The following AHNAK2 variants were observed in gnomAD, a reference collection of about 807,000 sequenced individuals.
The protein encoded by AHNAK2 is protein AHNAK2.
AHNAK2 carries 18 observed loss-of-function variants against 30.7 expected under a neutral mutation model. The ratio of observed to expected loss-of-function variants is 0.59; its 90% CI spans 0.41 to 0.87. AHNAK2 has a LOEUF of 0.87. AHNAK2 is among the 40% of genes least tolerant of loss of function. AHNAK2 has a pLI of 0.00. For synonymous variants in AHNAK2, 3,590 were observed against 3,073.8 expected (o/e 1.17, Z -5.56); for missense variants, 8,604 against 7,373.0 (o/e 1.17, Z -6.11).
chr14:104,948,668 G>C lies in AHNAK2; in HGVS notation c.6783C>G (p.Pro2261=), dbSNP rs1898455130. 1.2e-6 allele frequency: 2 copies of C among 1,611,646 alleles called. No individual in the cohort carries two copies. The highest frequency in any genetic ancestry group is 1.7e-5 in the Admixed American group (1 of 59,816). Reference sequence around the variant, plus strand: ...CCTTGGGGTCTTTTAGGTCCAGCTTGGGGCCCTTGATGTCTATTTCGGGGC... The same window carrying C: ...CCTTGGGGTCTTTTAGGTCCAGCTTCGGGCCCTTGATGTCTATTTCGGGGC... ...LKGPEIDIKG[P]KLDLKDPKVE... The change falls in exon 7 of 7, where the codon CCC becomes CCG. Residue 2261 remains proline (P), a synonymous_variant. Coordinates refer to ENST00000333244, the MANE Select transcript of AHNAK2 (RefSeq NM_138420.4).
In AHNAK2 at chr14:104,944,548, C is replaced by G. The variant is rs1224254026; in HGVS notation, c.10903G>C (p.Asp3635His). The G allele has an allele frequency of 6.2e-7, 1 of 1,613,310 alleles. No homozygotes were observed. The highest frequency in any genetic ancestry group is 2.2e-5 in the East Asian group (1 of 44,804). The change falls in exon 7 of 7, where the codon GAC (aspartate) becomes CAC (histidine). Residue 3635 changes from aspartate (D) to histidine (H), a missense_variant. Physicochemically the swap from Asp to His is moderately conservative, Grantham distance 81. Coordinates refer to ENST00000333244, the MANE Select transcript of AHNAK2 (RefSeq NM_138420.4). Reference protein sequence around the residue: ...SLADKDVTAKDSKFKMPKFKM... With the variant: ...SLADKDVTAKHSKFKMPKFKM... ...AATTTGGGCATTTTGAACTTGCTGT[C>G]TTTGGCAGTCACGTCCTTGTCAGCC... is the stretch of plus-strand genomic sequence containing the variant.
chr14:104,953,798 C>A lies in AHNAK2; in HGVS notation c.1653G>T (p.Gly551=). 6.2e-7 allele frequency: 1 copy of A among 1,613,978 alleles called. No homozygotes were observed. The highest frequency in any genetic ancestry group is 2.2e-5 in the East Asian group (1 of 44,876). Reference sequence around the variant, plus strand: ...GTCCTTCCTCTCCATCTCCTTCATCCCCCTGTGCTTCTGCATGTGTGGTTG... The same window carrying A: ...GTCCTTCCTCTCCATCTCCTTCATCACCCTGTGCTTCTGCATGTGTGGTTG... ...REPTTHAEAQ[G]DEGDGEEGLQ... The change falls in exon 7 of 7, where the codon GGG becomes GGT. Residue 551 remains glycine, a synonymous_variant. Coordinates refer to ENST00000333244, the MANE Select transcript of AHNAK2 (RefSeq NM_138420.4).
chr14:104,969,698 T>C (rs1899418631), intron 1 of AHNAK2, among the ~76,000 whole-genome samples: 1 of 152,162 alleles, frequency 6.6e-6, no homozygotes, highest in Non-Finnish European at 1.5e-5. Context: ...TGGGCCCAGT[T>C]CATCTCCTTC....
chr14:104,968,690 C>T lies in AHNAK2; in HGVS notation c.55+9493G>A, dbSNP rs568908303. ...TTGCAAGTCCCCAGGGCCCTGGGGG[C>T]TGGCAGGGAGGAGACTGGCTCTCCA... On this transcript the variant is annotated intron_variant, in intron 1 of 6. Coordinates refer to ENST00000333244, the MANE Select transcript of AHNAK2 (RefSeq NM_138420.4). 2.6e-5 allele frequency among the ~76,000 whole-genome samples: 4 copies of T among 152,328 alleles called. No individual in the cohort carries two copies. The East Asian group carries it at 7.7e-4, about 29-fold the overall frequency.
intron 1 of AHNAK2, among the ~76,000 whole-genome samples, chr14:104,973,954 G>C (rs1595435307): frequency 6.6e-6 from 1 of 152,158 alleles, no homozygotes; most frequent in South Asian, 2.1e-4. Flanking sequence ...GGGGATGGGG[G>C]AGTACCGCCT....
chr14:104,945,127 CCACCTCCACGCTGGGCAGAGA>C lies in AHNAK2; in HGVS notation c.10303_10323del (p.Ser3435_Val3441del), dbSNP rs1898190961. 6.2e-7 allele frequency: 1 copy of C among 1,613,136 alleles called. No individual in the cohort carries two copies. Among genetic ancestry groups the C allele is most frequent in the South Asian group, 1.1e-5 (1 of 91,064 alleles). ...AGCTTGGCTCTCGGGGCCTGGACGT[CCACCTCCACGCTGGGCAGAGA>C]CACCTCCACATCAGGGACTGTCACT... On this transcript the variant is annotated inframe_deletion, in exon 7 of 7. Coordinates refer to ENST00000333244, the MANE Select transcript of AHNAK2 (RefSeq NM_138420.4).
rs2819423 is a variant in AHNAK2, at chr14:104,943,745, C to T, written c.11706G>A (p.Lys3902=). The part of the protein sequence containing the change: ...PSFKMPKVDL[K]GPEIDIKGPK... Reference sequence around the variant, plus strand: ...GGCCCTTGATGTCTATTTCAGGGCCCTTGAGGTCGACTTTGGGCATCTTGA... The same window carrying T: ...GGCCCTTGATGTCTATTTCAGGGCCTTTGAGGTCGACTTTGGGCATCTTGA... The change falls in exon 7 of 7, where the codon AAG becomes AAA. Residue 3902 remains lysine, a synonymous_variant. Transcript: ENST00000333244. 6 of 1,612,730 alleles carry T rather than the reference C, an allele frequency of 3.7e-6. No homozygotes were observed. The highest frequency in any genetic ancestry group is 4.2e-6 in the Non-Finnish European group (5 of 1,179,444).
chr14:104,978,311 G>T lies in AHNAK2; in HGVS notation c.-74C>A. 1.1e-6 allele frequency: 1 copy of T among 911,070 alleles called. No homozygotes were observed. Among genetic ancestry groups the T allele is most frequent in the Non-Finnish European group, 1.4e-6 (1 of 736,748 alleles). The allele number at this position is 911,070 out of a possible 1,614,324, so 56.4% of individuals were successfully genotyped here. A position where few individuals can be genotyped will look rare whatever the true frequency, so the allele number is the denominator to read the frequency against. ...TGGTCCCGGCTCCGGCGCACGGGGC[G>T]GGCGGGCGGGAGCCGCGCTCTGCCC... On this transcript the variant is annotated 5_prime_UTR_variant, in exon 1 of 7. Transcript: ENST00000333244.
At position 104,940,577 on chromosome 14, in the gene AHNAK2, A is replaced by C. The variant is rs772057984; in HGVS notation, c.14874T>G (p.Ile4958Met). ...GKGSPLKMPK[I>M]KLPSFRWSPK... ...GGGACCACCTAAATGATGGAAGCTT[A>C]ATCTTAGGCATTTTCAAGGGACTCC... Residue 4958 changes from isoleucine to methionine, a missense_variant, in exon 7 of 7, where the codon ATT becomes ATG. Transcript: ENST00000333244. This position sits in a 1 kb window ranked among gnomAD's most constrained non-coding sequence, Gnocchi z 4.4. The C allele has an allele frequency of 6.2e-7, 1 of 1,613,664 alleles. No individual in the cohort carries two copies. The highest frequency in any genetic ancestry group is 2.2e-5 in the East Asian group (1 of 44,888).
Position 104,952,733 on chromosome 14 carries a change from C to T in AHNAK2, c.2718G>A (p.Val906=), listed in dbSNP as rs748740503. 3 of 1,612,966 alleles carry T rather than the reference C, an allele frequency of 1.9e-6. No individual in the cohort carries two copies. Among genetic ancestry groups the T allele is most frequent in the Non-Finnish European group, 2.5e-6 (3 of 1,179,644 alleles). Residue 906 remains valine, a synonymous_variant, in exon 7 of 7, where the codon GTG becomes GTA. Transcript: ENST00000333244. ...QVDVKLPEGP[V]PEGAGPKVHL... Reference sequence around the variant, plus strand: ...GCACTTTGGGGCCGGCTCCCTCGGGCACAGGGCCCTCCGGAAGTTTCACAT... The same window carrying T: ...GCACTTTGGGGCCGGCTCCCTCGGGTACAGGGCCCTCCGGAAGTTTCACAT...
At position 104,945,654 on chromosome 14, in the gene AHNAK2, T is replaced by A. The variant is rs781120141; in HGVS notation, c.9797A>T (p.Asp3266Val). The A allele has an allele frequency of 5.7e-6, 9 of 1,578,140 alleles. 1 individual carries two copies. In the African/African-American group the frequency reaches 9.6e-5, roughly 17 times the overall value. ...CATGCTGGGCTGAGACACCTCCACG[T>A]CGGGGGCCGTCACATCCATCTTCGG... is the stretch of plus-strand genomic sequence containing the variant. ...KGPKMDVTAP[D>V]VEVSQPSMEV... The change falls in exon 7 of 7, where the codon GAC becomes GTC. Residue 3266 changes from aspartate to valine, a missense_variant. Coordinates refer to ENST00000333244, the MANE Select transcript of AHNAK2 (RefSeq NM_138420.4).
At chr14:104,965,401 CAAAAA>C (rs397853385) in intron 1 of AHNAK2, among the ~76,000 whole-genome samples, 5 of 85,518 alleles carry the variant, frequency 5.8e-5, no homozygotes, top group African/African-American at 1.4e-4. Flanking sequence ...AACTCTGTCT[CAAAAA>C]AAAAAAAAAA....
intron 1 of AHNAK2, among the ~76,000 whole-genome samples, chr14:104,975,051 T>C (rs1216164635): frequency 6.6e-6 from 1 of 152,218 alleles, no homozygotes; most frequent in Non-Finnish European, 1.5e-5. Flanking sequence ...CCCAGGGGAC[T>C]TCCCAGAAGA....
chr14:104,954,231 C>T lies in AHNAK2; in HGVS notation c.1220G>A (p.Gly407Glu). 6.2e-7 allele frequency: 1 copy of T among 1,611,806 alleles called. No homozygotes were observed. Among genetic ancestry groups the T allele is most frequent in the Non-Finnish European group, 8.5e-7 (1 of 1,179,816 alleles). Reference sequence around the variant, plus strand: ...CCTGAGTCCCCCTTCCTGAGGGGTTCCCTCGCAAAGTCTAGGGTCACCGAG... The same window carrying T: ...CCTGAGTCCCCCTTCCTGAGGGGTTTCCTCGCAAAGTCTAGGGTCACCGAG... Reference protein sequence around the residue: ...TELGDPRLCEGTPQEGGLRAA... With the variant: ...TELGDPRLCEETPQEGGLRAA... Residue 407 changes from glycine (G) to glutamate (E), a missense_variant, in exon 7 of 7, where the codon GGA (glycine) becomes GAA (glutamate). Gly to Glu is a moderately conservative substitution (Grantham distance 98, BLOSUM62 -2). Transcript: ENST00000333244. The surrounding 1 kb of genome is among the most constrained non-coding windows in gnomAD (Gnocchi z 4.3).
intron 1 of AHNAK2, among the ~76,000 whole-genome samples, chr14:104,972,280 A>T (rs1168687335): frequency 6.6e-6 from 1 of 152,204 alleles, no homozygotes; most frequent in Non-Finnish European, 1.5e-5. Flanking sequence ...CTCTATTTAC[A>T]CGGAGGCAGG....
At position 104,939,725 on chromosome 14, in the gene AHNAK2, C is replaced by A. The variant is rs1211945148; in HGVS notation, c.15726G>T (p.Val5242=). 1 of 1,613,902 alleles carries A rather than the reference C, an allele frequency of 6.2e-7. No individual in the cohort carries two copies. The highest frequency in any genetic ancestry group is 1.1e-5 in the South Asian group (1 of 91,078). The change falls in exon 7 of 7, where the codon GTG becomes GTT. Residue 5242 remains valine, a synonymous_variant. Coordinates refer to ENST00000333244, the MANE Select transcript of AHNAK2 (RefSeq NM_138420.4). ...GGAGCTGTAGGGACATAGCTGCCTC[C>A]ACGTTTGACCCAGAAACAAGGAACT... ...VKEFLVSGSN[V]EAAMSLQLPE...
chr14:104,973,886 C>T (rs952414390), intron 1 of AHNAK2, among the ~76,000 whole-genome samples: 2 of 152,164 alleles, frequency 1.3e-5, no homozygotes, highest in African/African-American at 4.8e-5. Context: ...GGACCCGCAG[C>T]CGGAGGGGAG....
intron 1 of AHNAK2, among the ~76,000 whole-genome samples, chr14:104,960,835 G>A (rs930027389): frequency 2.6e-5 from 4 of 152,130 alleles, no homozygotes; most frequent in African/African-American, 9.7e-5. Flanking sequence ...GTAATTAACT[G>A]TATAAAACAA....
In AHNAK2 at chr14:104,944,108, A is replaced by C. The variant is rs1489284350; in HGVS notation, c.11343T>G (p.Asp3781Glu). 8 of 1,612,994 alleles carry C rather than the reference A, an allele frequency of 5.0e-6. No homozygotes were observed. Among genetic ancestry groups the C allele is most frequent in the Non-Finnish European group, 5.9e-6 (7 of 1,179,586 alleles). ...VDVQAPRAKLDSAQLEGDLSL... is the reference protein window; with the variant it reads ...VDVQAPRAKLESAQLEGDLSL... ...ACAGGTCCCCCTCCAGCTGTGCACT[A>C]TCCAGTTTGGCTCTTGGGGCCTGGA... Residue 3781 changes from aspartate (D) to glutamate (E), a missense_variant, in exon 7 of 7, where the codon GAT becomes GAG. Coordinates refer to ENST00000333244, the MANE Select transcript of AHNAK2 (RefSeq NM_138420.4).
Sources: allele counts gnomAD v4.1 joint callset (sites outside exome capture counted in the v4.1 genomes callset), GRCh38; gene constraint gnomAD v4.1.1; non-coding constraint Gnocchi (gnomAD v3.1); transcripts MANE v1.5; gene names NCBI Gene and HGNC (gene_info 2026-07-23, HGNC 2026-07-21).